ICE1: variants seen among roughly 807,000 people sequenced by gnomAD.
ICE1 encodes the protein little elongation complex subunit 1.
Under a neutral mutation model 192.7 loss-of-function variants are expected in ICE1, and 64 were observed. The observed-to-expected ratio is 0.33, with a 90% CI of 0.27 to 0.41. ICE1 has a LOEUF of 0.41. Ranked by LOEUF, ICE1 falls within the 10% of genes least tolerant of loss-of-function variation. ICE1 has a pLI of 1.00. For synonymous variants in ICE1, 1,010 were observed against 984.5 expected (o/e 1.03, Z -0.49); for missense variants, 2,708 against 2,696.0 (o/e 1.00, Z -0.10).
Position 5,460,744 on chromosome 5 carries a change from C to T in ICE1, c.1410C>T (p.Ser470=). 6.2e-7 allele frequency: 1 copy of T among 1,613,978 alleles called. No individual in the cohort carries two copies. The highest frequency in any genetic ancestry group is 8.5e-7 in the Non-Finnish European group (1 of 1,179,884). Reference sequence around the variant, plus strand: ...AACACTGGACCACAGCATCTCGATCCATGAGTGATAGAAAAAGAGACATTT... The same window carrying T: ...AACACTGGACCACAGCATCTCGATCTATGAGTGATAGAAAAAGAGACATTT... ...GEKHWTTASR[S]MSDRKRDILH... is the part of the protein sequence containing the mutation. Residue 470 remains serine (S), a synonymous_variant, in exon 13 of 19, where the codon TCC becomes TCT. Transcript: ENST00000296564.
intron 11 of ICE1, among the ~76,000 whole-genome samples, chr5:5,455,326 C>A (rs148549192): frequency 6.6e-6 from 1 of 152,100 alleles, no homozygotes; most frequent in African/African-American, 2.4e-5. Flanking sequence ...TGTACGGAGG[C>A]ATATTTGATG....
intron 17 of ICE1, among the ~76,000 whole-genome samples, chr5:5,485,172 G>T (rs1183767996): frequency 6.6e-6 from 1 of 151,932 alleles, no homozygotes; most frequent in Non-Finnish European, 1.5e-5. Flanking sequence ...GTTACTCCAG[G>T]TTACATCTAT....
chr5:5,477,031 C>A (rs1264729431), intron 17 of ICE1, among the ~76,000 whole-genome samples: 1 of 152,044 alleles, frequency 6.6e-6, no homozygotes, highest in Non-Finnish European at 1.5e-5. Flanking sequence ...TTTATTTTTA[C>A]TTATCTCCTA....
chr5:5,448,347 A>T (rs1738305015), intron 10 of ICE1, among the ~76,000 whole-genome samples: 1 of 152,230 alleles, frequency 6.6e-6, no homozygotes, highest in African/African-American at 2.4e-5. Context: ...GGGAAGGCCC[A>T]CAATTGCAAA....
chr5:5,457,869 G>A lies in ICE1; in HGVS notation c.1101+128G>A, dbSNP rs543105680. ...TTCATTTTAGCCAATTTTGTTAGGG[G>A]GTAACATGAGGTTTTTAAAAAGCAT... On this transcript the variant is annotated intron_variant, in intron 12 of 18. Coordinates refer to ENST00000296564, the MANE Select transcript of ICE1 (RefSeq NM_015325.3). The A allele has an allele frequency of 1.5e-4, 126 of 843,368 alleles. 2 individuals are homozygous for A. The South Asian group carries it at 2.3e-3, about 15-fold the overall frequency. The allele number at this position is 843,368 out of a possible 1,614,324, so 52.2% of individuals were successfully genotyped here.
At chr5:5,455,992 T>C (rs1350743309) in intron 11 of ICE1, among the ~76,000 whole-genome samples, 2 of 152,212 alleles carry the variant, frequency 1.3e-5, no homozygotes, top group African/African-American at 4.8e-5. Flanking sequence ...TTTTACACTT[T>C]GGGAGAATAT....
At position 5,422,891 on chromosome 5, in the gene ICE1, G is replaced by T; in HGVS notation, c.-25G>T. On this transcript the variant is annotated 5_prime_UTR_variant, in exon 1 of 19. Transcript: ENST00000296564. ...CGCCGCGGGCCCCTGAGGCGTGCGTGCCCACCGGGCCCGGCGGCGGCACCA... is the reference window on the plus strand; with the variant it reads ...CGCCGCGGGCCCCTGAGGCGTGCGTTCCCACCGGGCCCGGCGGCGGCACCA... 7.4e-7 allele frequency: 1 copy of T among 1,358,656 alleles called. No homozygotes were observed. The highest frequency in any genetic ancestry group is 9.5e-7 in the Non-Finnish European group (1 of 1,056,298). The allele number at this position is 1,358,656 out of a possible 1,614,324, so 84.2% of individuals were successfully genotyped here.
At chr5:5,435,671 TTGTTTTGTTTTTG>T (rs1310230191) in intron 1 of ICE1, among the ~76,000 whole-genome samples, 1 of 116,296 alleles carries the variant, frequency 8.6e-6, no homozygotes, top group African/African-American at 3.4e-5. Context: ...TTTTTTTTTT[TTGTTTTGTTTTTG>T]TTTTTTTTTT....
At chr5:5,457,309 C>A (rs768101440) in intron 11 of ICE1, 23 bp from the exon 12 acceptor site, 1 of 1,559,008 alleles carries the variant, frequency 6.4e-7, no homozygotes. Flanking sequence ...ATACCTGATA[C>A]CTACTTTTGT....
chr5:5,457,870 G>A (rs2111371718), intron 12 of ICE1, 129 bp downstream of exon 12: 3 of 846,062 alleles, frequency 3.5e-6, no homozygotes, highest in Admixed American at 2.3e-5. Flanking sequence ...TTGTTAGGGG[G>A]TAACATGAGG....
intron 12 of ICE1, among the ~76,000 whole-genome samples, chr5:5,459,803 C>G (rs1331394141): frequency 6.6e-6 from 1 of 152,132 alleles, no homozygotes; most frequent in Non-Finnish European, 1.5e-5. Flanking sequence ...GCAGTTAACT[C>G]AAGAGGAGAC....
In ICE1 at chr5:5,444,082, T is replaced by C. The variant is rs111697843; in HGVS notation, c.387-207T>C. ...AAATTTGACAGGCCCATGGCATGTG[T>C]TTCAAGTGGAAAGAACAGAATTTTT... On this transcript the variant is annotated intron_variant, in intron 6 of 18. Transcript: ENST00000296564. Among the ~76,000 whole-genome samples the C allele has an allele frequency of 5.4e-3, 815 of 152,320 alleles. 6 individuals are homozygous for C. The highest frequency in any genetic ancestry group is 0.028 in the East Asian group (144 of 5,178).
At chr5:5,473,537 T>C (rs1280297055) in intron 15 of ICE1, 21 bp from the exon 16 acceptor site, 2 of 1,594,058 alleles carry the variant, frequency 1.3e-6, no homozygotes, top group South Asian at 2.3e-5. Flanking sequence ...AGATTTTATT[T>C]TATTTCTTTT....
At chr5:5,465,985 A>G (rs935015696) in intron 13 of ICE1, among the ~76,000 whole-genome samples, 4 of 152,232 alleles carry the variant, frequency 2.6e-5, no homozygotes, top group Non-Finnish European at 5.9e-5. Flanking sequence ...ACTGTATTTC[A>G]TATACTCACA....
In ICE1 at chr5:5,460,444, C is replaced by T. The variant is rs1241969079; in HGVS notation, c.1110C>T (p.Tyr370=). 6 of 1,562,412 alleles carry T rather than the reference C, an allele frequency of 3.8e-6. No individual in the cohort carries two copies. Among genetic ancestry groups the T allele is most frequent in the Non-Finnish European group, 4.3e-6 (5 of 1,152,402 alleles). ...AATTCATATTTTTTAAGGAAACCTA[C>T]TTTGGAGAATACACAGATTCCAGCG... ...SLPSSFAPET[Y]FGEYTDSSDN... is the part of the protein sequence containing the mutation. The change falls in exon 13 of 19, where the codon TAC becomes TAT. Residue 370 remains tyrosine (Y), a synonymous_variant. Transcript: ENST00000296564.
intron 1 of ICE1, among the ~76,000 whole-genome samples, chr5:5,426,184 A>G (rs1324928706): frequency 6.6e-6 from 1 of 152,248 alleles, no homozygotes; most frequent in African/African-American, 2.4e-5. Flanking sequence ...GCGGTGGCTC[A>G]TGCCTGTAAT....
rs767730970 is a variant in ICE1, at chr5:5,462,989, T to C, written c.3655T>C (p.Tyr1219His). Residue 1219 changes from tyrosine to histidine, a missense_variant, in exon 13 of 19, where the codon TAC becomes CAC. Tyr to His is a moderately conservative substitution (Grantham distance 83, BLOSUM62 2). Transcript: ENST00000296564. Reference sequence around the variant, plus strand: ...AAAGGCAAGTGAAATAGGAGAAAAATACAGAAAGCAACCCTGTGAGGAAGA... The same window carrying C: ...AAAGGCAAGTGAAATAGGAGAAAAACACAGAAAGCAACCCTGTGAGGAAGA... ...ELKASEIGEK[Y>H]RKQPCEEETL... is the part of the protein sequence containing the mutation. 29 of 1,613,158 alleles carry C rather than the reference T, an allele frequency of 1.8e-5. No individual in the cohort carries two copies. In the South Asian group the frequency reaches 3.0e-4, roughly 17 times the overall value.
At chr5:5,485,037 T>TG (rs1292831996) in intron 17 of ICE1, among the ~76,000 whole-genome samples, 1 of 151,724 alleles carries the variant, frequency 6.6e-6, no homozygotes, top group East Asian at 2.0e-4. Context: ...TGTAGGGGAA[T>TG]GGGGGGAATG....
intron 17 of ICE1, among the ~76,000 whole-genome samples, chr5:5,484,278 CTG>C (rs1739579106): frequency 6.6e-6 from 1 of 152,154 alleles, no homozygotes; most frequent in African/African-American, 2.4e-5. Flanking sequence ...ACTTATAAAA[CTG>C]AATTTCATTA....
Sources: allele counts gnomAD v4.1 joint callset (sites outside exome capture counted in the v4.1 genomes callset), GRCh38; gene constraint gnomAD v4.1.1; transcripts MANE v1.5; gene names NCBI Gene and HGNC (gene_info 2026-07-23, HGNC 2026-07-21).